Variants in MYO3B observed in about 807,000 individuals in gnomAD.
MYO3B encodes the protein myosin-IIIb.
A neutral mutation model predicts 174.6 loss-of-function variants in MYO3B; 156 were observed. The ratio of observed to expected loss-of-function variants is 0.89; its 90% CI spans 0.78 to 1.02. MYO3B has a LOEUF of 1.02. MYO3B is among the 50% of genes least tolerant of loss of function. The pLI is 0.00. For missense variants in MYO3B, 1,632 were observed against 1,639.4 expected (o/e 1.00, Z 0.08); for synonymous variants, 563 against 569.1 (o/e 0.99, Z 0.15).
intron 7 of MYO3B, among the ~76,000 whole-genome samples, chr2:170,318,286 C>T (rs138314989): frequency 4.9e-4 from 74 of 152,326 alleles, no homozygotes; most frequent in Non-Finnish European, 3.4e-4. Context: ...AAAATCTGGT[C>T]TGTTTACTTC....
chr2:170,596,279 CCTTT>C (rs1355588979), intron 32 of MYO3B, among the ~76,000 whole-genome samples: 16 of 152,282 alleles, frequency 1.1e-4, no homozygotes, highest in African/African-American at 3.8e-4. Flanking sequence ...CCCATCACAA[CCTTT>C]CTGAGGGGCA....
chr2:170,198,722 A>G (rs1015423748), intron 1 of MYO3B, among the ~76,000 whole-genome samples: 3 of 152,296 alleles, frequency 2.0e-5, no homozygotes, highest in East Asian at 3.9e-4. Flanking sequence ...GAGCGAGGAT[A>G]AAAAAGAAGA....
intron 7 of MYO3B, among the ~76,000 whole-genome samples, chr2:170,296,680 C>T (rs1054910025): frequency 1.3e-5 from 2 of 152,002 alleles, no homozygotes; most frequent in Non-Finnish European, 2.9e-5. Context: ...TCTCACATTG[C>T]TGTAAAAAAA....
intron 27 of MYO3B, 35 bp downstream of exon 27, chr2:170,499,843 G>A (rs759593758): frequency 7.5e-6 from 12 of 1,603,582 alleles, no homozygotes; most frequent in Non-Finnish European, 1.0e-5. Context: ...ACTGCCCTGG[G>A]TATTGGCATG....
At chr2:170,463,261 A>G (rs1451269157) in intron 23 of MYO3B, 107 bp from the exon 24 acceptor site, 3 of 812,790 alleles carry the variant, frequency 3.7e-6, no homozygotes, top group African/African-American at 3.4e-5. Context: ...CCTAAATACC[A>G]TGGCCCCTCA....
At chr2:170,296,170 A>G (rs2105431150) in intron 7 of MYO3B, among the ~76,000 whole-genome samples, 1 of 152,344 alleles carries the variant, frequency 6.6e-6, no homozygotes, top group Non-Finnish European at 1.5e-5. Flanking sequence ...TCCATGTACA[A>G]CTTTGGCCCT....
rs779217906 is a variant in MYO3B at position 170,199,197 on chromosome 2, C to T, written c.3-11C>T. ...GATCTGTTGCACATAACAAATTTTT[C>T]CCCCAACCAGGAAACATCTGTATGG... On this transcript the variant is annotated splice_polypyrimidine_tract_variant and intron_variant, in intron 1 of 34. Transcript: ENST00000408978. 1.3e-6 allele frequency: 2 copies of T among 1,573,798 alleles called. No individual in the cohort carries two copies. The highest frequency in any genetic ancestry group is 1.2e-5 in the South Asian group (1 of 83,042).
chr2:170,548,636 T>A (rs1280811008), intron 32 of MYO3B, among the ~76,000 whole-genome samples: 1 of 152,172 alleles, frequency 6.6e-6, no homozygotes, highest in Non-Finnish European at 1.5e-5. Flanking sequence ...TGTAAGTACA[T>A]TTTCTCTACA....
intron 32 of MYO3B, among the ~76,000 whole-genome samples, chr2:170,632,723 T>C (rs1697117291): frequency 1.3e-5 from 2 of 152,090 alleles, no homozygotes; most frequent in Admixed American, 1.3e-4. Context: ...TCAATAAGAT[T>C]GATAGACTGC....
chr2:170,407,189 C>T (rs181514294), intron 21 of MYO3B, among the ~76,000 whole-genome samples: 2 of 152,122 alleles, frequency 1.3e-5, no homozygotes, highest in African/African-American at 4.8e-5. Context: ...AGGCCAGGTG[C>T]GGTGGCTAAC....
At chr2:170,313,745 A>G (rs2093755400) in intron 7 of MYO3B, among the ~76,000 whole-genome samples, 1 of 152,108 alleles carries the variant, frequency 6.6e-6, no homozygotes, top group South Asian at 2.1e-4. Flanking sequence ...CCACCCTCTC[A>G]TCCCAGCAGC....
intron 7 of MYO3B, among the ~76,000 whole-genome samples, chr2:170,326,565 C>T (rs1181801216): frequency 6.6e-6 from 1 of 152,180 alleles, no homozygotes; most frequent in Non-Finnish European, 1.5e-5. Context: ...CAACGAGCCA[C>T]ACACCCACTT....
intron 29 of MYO3B, among the ~76,000 whole-genome samples, chr2:170,518,269 G>A (rs930457250): frequency 1.3e-5 from 2 of 152,116 alleles, no homozygotes; most frequent in Non-Finnish European, 2.9e-5. Flanking sequence ...TTTCTATCAT[G>A]TATTCTGTAA....
chr2:170,507,324 G>C (rs934169871), intron 28 of MYO3B, among the ~76,000 whole-genome samples: 2 of 152,090 alleles, frequency 1.3e-5, no homozygotes, highest in Non-Finnish European at 2.9e-5. Flanking sequence ...GAGGGGTCCT[G>C]CTCACTTCAC....
Position 170,543,897 on chromosome 2 carries a change from G to T in MYO3B, c.3642G>T (p.Ser1214=). 6.2e-7 allele frequency: 1 copy of T among 1,612,380 alleles called. No homozygotes were observed. The highest frequency in any genetic ancestry group is 8.5e-7 in the Non-Finnish European group (1 of 1,178,860). ...DIFAGHANKH[S]VSGTDLLSSR... ...CTTACTGGGTTTTTCTGAAGCACTC[G>T]GTTTCTGGGACTGATTTGCTGTCTT... Residue 1214 remains serine, a synonymous_variant, in exon 32 of 35, where the codon TCG becomes TCT. Coordinates refer to ENST00000408978, the MANE Select transcript of MYO3B (RefSeq NM_138995.5).
At chr2:170,566,286 T>C (rs1354470412) in intron 32 of MYO3B, among the ~76,000 whole-genome samples, 2 of 152,212 alleles carry the variant, frequency 1.3e-5, no homozygotes, top group Non-Finnish European at 2.9e-5. Flanking sequence ...TGCTGCTAGT[T>C]AGAATGATTA....
At chr2:170,187,080 T>C (rs1231816114) in intron 1 of MYO3B, among the ~76,000 whole-genome samples, 3 of 151,974 alleles carry the variant, frequency 2.0e-5, no homozygotes, top group African/African-American at 7.2e-5. Flanking sequence ...GGTTTGTCAA[T>C]TTTATTTATC....
Position 170,214,802 on chromosome 2 carries a change from A to C in MYO3B, c.500A>C (p.Glu167Ala), listed in dbSNP as rs758987796. The change falls in exon 5 of 35, where the codon GAA becomes GCA. Residue 167 changes from glutamate (E) to alanine (A), a missense_variant. Transcript: ENST00000408978. ...VKGNNILLTT[E>A]GGVKLVDFGV... ...GGGAATAACATTCTTCTGACAACAG[A>C]AGGAGGAGTTAAGCTCGTTGACTTT... The C allele has an allele frequency of 6.2e-6, 10 of 1,614,030 alleles. No homozygotes were observed. The South Asian group carries it at 1.1e-4, about 18-fold the overall frequency.
rs568135246 is a variant in MYO3B at position 170,496,079 on chromosome 2, A to T, written c.3015-2513A>T. 1.1e-3 allele frequency among the ~76,000 whole-genome samples: 161 copies of T among 152,310 alleles called. 1 individual carries two copies. Among genetic ancestry groups the T allele is most frequent in the Non-Finnish European group, 2.0e-3 (138 of 68,018 alleles). ...ATGAGCAGGTTCCTGGGTTCTGCCA[A>T]ATGATCTAGCATCATCTGGTCTTGG... On this transcript the variant is annotated intron_variant, in intron 25 of 34. Coordinates refer to ENST00000408978, the MANE Select transcript of MYO3B (RefSeq NM_138995.5).
Sources: allele counts gnomAD v4.1 joint callset (sites outside exome capture counted in the v4.1 genomes callset), GRCh38; gene constraint gnomAD v4.1.1; transcripts MANE v1.5; gene names NCBI Gene and HGNC (gene_info 2026-07-23, HGNC 2026-07-21).